BNC2: variants seen among roughly 807,000 people sequenced by gnomAD.
BNC2 encodes zinc finger protein basonuclin-2.
A neutral mutation model predicts 76.3 loss-of-function variants in BNC2; 20 were observed. The ratio of observed to expected loss-of-function variants is 0.26; its 90% CI spans 0.18 to 0.38. BNC2 has a LOEUF of 0.38. BNC2 is among the 10% of genes least tolerant of loss of function. The pLI is 1.00. For synonymous variants in BNC2, 582 were observed against 514.8 expected (o/e 1.13, Z -1.77); for missense variants, 1,382 against 1,399.8 (o/e 0.99, Z 0.20).
chr9:16,656,781 G>A (rs112591291), intron 3 of BNC2, among the ~76,000 whole-genome samples: 47 of 152,124 alleles, frequency 3.1e-4, no homozygotes, highest in African/African-American at 1.0e-3. Flanking sequence ...CAGATCTCTG[G>A]GACTTATTCA....
Position 16,683,725 on chromosome 9 carries a change from T to A in BNC2, c.330+44072A>T, listed in dbSNP as rs1329451335. 3.3e-5 allele frequency among the ~76,000 whole-genome samples: 5 copies of A among 152,338 alleles called. No individual in the cohort carries two copies. In the East Asian group the frequency reaches 9.6e-4, roughly 29 times the overall value. On this transcript the variant is annotated intron_variant, in intron 3 of 6. Coordinates refer to ENST00000380672, the MANE Select transcript of BNC2 (RefSeq NM_017637.6). ...CATCTTTATTATGGTGGACATAATA[T>A]GTATATGTACTAGGTATTTCTAAAA...
chr9:16,838,731 C>T (rs1818761646), intron 1 of BNC2, among the ~76,000 whole-genome samples: 1 of 152,152 alleles, frequency 6.6e-6, no homozygotes, highest in African/African-American at 2.4e-5. Context: ...TGATCTTCAC[C>T]TGGTAGCTCA....
intron 3 of BNC2, among the ~76,000 whole-genome samples, chr9:16,673,148 T>A (rs945012709): frequency 1.3e-5 from 2 of 152,164 alleles, no homozygotes; most frequent in African/African-American, 4.8e-5. Flanking sequence ...GTATTAGACA[T>A]AGACTTATAT....
At chr9:16,621,619 C>A (rs1188414028) in intron 3 of BNC2, among the ~76,000 whole-genome samples, 1 of 152,046 alleles carries the variant, frequency 6.6e-6, no homozygotes, top group Non-Finnish European at 1.5e-5. Flanking sequence ...TTTGAAAATC[C>A]AAGTCAACCC....
At chr9:16,754,011 G>A (rs1825301829) in intron 1 of BNC2, among the ~76,000 whole-genome samples, 1 of 152,094 alleles carries the variant, frequency 6.6e-6, no homozygotes, top group African/African-American at 2.4e-5. Flanking sequence ...AGCCCAGATG[G>A]GCTCCAGCAA....
At chr9:16,504,135 T>C (rs948364185) in intron 5 of BNC2, among the ~76,000 whole-genome samples, 3 of 152,118 alleles carry the variant, frequency 2.0e-5, no homozygotes, top group South Asian at 2.1e-4. Flanking sequence ...ATCTAAGTCA[T>C]AGTTTCCTCA....
chr9:16,706,547 G>T (rs1216756938), intron 3 of BNC2, among the ~76,000 whole-genome samples: 1 of 152,132 alleles, frequency 6.6e-6, no homozygotes, highest in Non-Finnish European at 1.5e-5. Flanking sequence ...ACAAAATGAT[G>T]ATCTCAAAGC....
intron 1 of BNC2, among the ~76,000 whole-genome samples, chr9:16,739,532 T>C (rs1824780680): frequency 6.6e-6 from 1 of 151,912 alleles, no homozygotes; most frequent in South Asian, 2.1e-4. Flanking sequence ...GTTAGCCAGG[T>C]GTAGTGGTGC....
chr9:16,582,867 T>G (rs1229831568), intron 4 of BNC2, 116 bp downstream of exon 4: 1 of 832,118 alleles, frequency 1.2e-6, no homozygotes, highest in East Asian at 2.5e-5. Flanking sequence ...CTCTCTCTTC[T>G]CCAGGCCAGT....
chr9:16,747,552 G>A (rs1037390550), intron 1 of BNC2, among the ~76,000 whole-genome samples: 16 of 152,150 alleles, frequency 1.1e-4, no homozygotes, highest in African/African-American at 3.9e-4. Context: ...TAAGGAAATC[G>A]AAGCTAAGAG....
At chr9:16,770,465 A>G (rs899863404) in intron 1 of BNC2, among the ~76,000 whole-genome samples, 3 of 152,172 alleles carry the variant, frequency 2.0e-5, no homozygotes, top group African/African-American at 7.2e-5. Flanking sequence ...AACTCAATTG[A>G]CAGGCTTCTG....
chr9:16,827,733 T>C (rs1271671963), intron 1 of BNC2, among the ~76,000 whole-genome samples: 1 of 152,110 alleles, frequency 6.6e-6, no homozygotes, highest in Admixed American at 6.5e-5. Context: ...TCATGGTACA[T>C]ATGGGAAGAA....
chr9:16,865,355 T>C (rs1819519676), intron 1 of BNC2, among the ~76,000 whole-genome samples: 1 of 152,180 alleles, frequency 6.6e-6, no homozygotes. Flanking sequence ...TAGAGTTTTA[T>C]AGTCAAGTTC....
At chr9:16,545,842 A>C (rs1229628955) in intron 5 of BNC2, among the ~76,000 whole-genome samples, 5 of 152,196 alleles carry the variant, frequency 3.3e-5, no homozygotes, top group Non-Finnish European at 7.4e-5. Context: ...TGAGGAATCT[A>C]CGATCCGAGA....
intron 5 of BNC2, among the ~76,000 whole-genome samples, chr9:16,456,279 T>C (rs1261880590): frequency 6.6e-6 from 1 of 151,800 alleles, no homozygotes; most frequent in South Asian, 2.1e-4. Flanking sequence ...TTTTATGGAG[T>C]CTCAAATAGA....
intron 1 of BNC2, among the ~76,000 whole-genome samples, chr9:16,799,876 A>G (rs1817740285): frequency 6.6e-6 from 1 of 152,140 alleles, no homozygotes; most frequent in Admixed American, 6.5e-5. Context: ...CACTGAAACT[A>G]TTAACCCTAA....
chr9:16,451,046 A>G (rs1821329126), intron 5 of BNC2, among the ~76,000 whole-genome samples: 2 of 112,278 alleles, frequency 1.8e-5, no homozygotes, highest in South Asian at 3.4e-4. Context: ...GAGTAAAGTG[A>G]ATTTCTAAAT....
At chr9:16,848,864 G>A (rs554345807) in intron 1 of BNC2, among the ~76,000 whole-genome samples, 5 of 152,174 alleles carry the variant, frequency 3.3e-5, no homozygotes, top group East Asian at 1.9e-4. Flanking sequence ...TGATGTCCAC[G>A]TACACAAACT....
At chr9:16,485,107 CACAG>C (rs1455053231) in intron 5 of BNC2, among the ~76,000 whole-genome samples, 2 of 110,210 alleles carry the variant, frequency 1.8e-5, no homozygotes, top group African/African-American at 1.2e-4. Flanking sequence ...CAGAGACACA[CACAG>C]ACACACACAC....
Sources: gnomAD v4.1 joint callset for allele counts (sites outside exome capture counted in the v4.1 genomes callset) on GRCh38, gnomAD v4.1.1 for gene constraint, MANE v1.5 for transcripts, NCBI Gene and HGNC (gene_info 2026-07-23, HGNC 2026-07-21) for gene names.